Variants in MYO1E observed in about 807,000 individuals in gnomAD.
The protein encoded by MYO1E is myosin IE.
A neutral mutation model predicts 151.1 loss-of-function variants in MYO1E; 68 were observed. The observed-to-expected ratio is 0.45, with a 90% CI of 0.37 to 0.55. MYO1E has a LOEUF of 0.55. Among genes scored for constraint, MYO1E ranks in the 20% least tolerant of loss-of-function variants. The pLI is 0.00. For missense variants in MYO1E, 1,363 were observed against 1,389.3 expected (o/e 0.98, Z 0.30); for synonymous variants, 601 against 501.7 (o/e 1.20, Z -2.64).
At chr15:59,190,886 G>A (rs143053727) in intron 17 of MYO1E, among the ~76,000 whole-genome samples, 1 of 152,246 alleles carries the variant, frequency 6.6e-6, no homozygotes, top group East Asian at 1.9e-4. Flanking sequence ...TGATGTGCCT[G>A]GGCCTGGAGG....
chr15:59,285,450 C>CG, intron 1 of MYO1E, among the ~76,000 whole-genome samples: 1 of 151,252 alleles, frequency 6.6e-6, no homozygotes. Flanking sequence ...CTCTGCCCCC[C>CG]GGCTTCACGC....
intron 17 of MYO1E, among the ~76,000 whole-genome samples, chr15:59,188,940 A>G (rs2079716093): frequency 6.6e-6 from 1 of 152,222 alleles, no homozygotes; most frequent in African/African-American, 2.4e-5. Flanking sequence ...TAATGGAACT[A>G]CACTTCTAGG....
intron 1 of MYO1E, among the ~76,000 whole-genome samples, chr15:59,318,207 C>T (rs977428009): frequency 3.3e-5 from 5 of 152,178 alleles, no homozygotes; most frequent in African/African-American, 9.7e-5. Context: ...CAGGCCTCTC[C>T]AGCCATTATC....
At chr15:59,225,331 G>A (rs779365008) in intron 7 of MYO1E, among the ~76,000 whole-genome samples, 11 of 152,108 alleles carry the variant, frequency 7.2e-5, no homozygotes, top group Non-Finnish European at 1.3e-4. Flanking sequence ...CCACTCTGGC[G>A]GAACCCTTGC....
intron 1 of MYO1E, among the ~76,000 whole-genome samples, chr15:59,317,840 A>C (rs2080599059): frequency 6.6e-6 from 1 of 152,062 alleles, no homozygotes; most frequent in Non-Finnish European, 1.5e-5. Flanking sequence ...TAAGTCCTTC[A>C]TGTGGGCTAA....
chr15:59,170,802 T>C lies in MYO1E; in HGVS notation c.2480+1095A>G, dbSNP rs546686866. The stretch of plus-strand genomic sequence containing the variant: ...AGACACAGGCAAGAATGGATGCAAC[T>C]AGAAATCTGTTTTGGATTATCAGAC... On this transcript the variant is annotated intron_variant, in intron 22 of 27. Coordinates refer to ENST00000288235, the MANE Select transcript of MYO1E (RefSeq NM_004998.4). Among the ~76,000 whole-genome samples, 50 of 152,192 alleles carry C rather than the reference T, an allele frequency of 3.3e-4. No homozygotes were observed. In the South Asian group the frequency reaches 7.5e-3, roughly 23 times the overall value.
intron 15 of MYO1E, among the ~76,000 whole-genome samples, chr15:59,205,079 A>G (rs879877220): frequency 1.3e-5 from 2 of 152,254 alleles, no homozygotes; most frequent in Non-Finnish European, 2.9e-5. Context: ...AATAGATTAA[A>G]TGATAATCCA....
intron 18 of MYO1E, among the ~76,000 whole-genome samples, chr15:59,181,537 C>A (rs2079658277): frequency 6.6e-6 from 1 of 152,244 alleles, no homozygotes; most frequent in African/African-American, 2.4e-5. Context: ...TCAAGTAGCA[C>A]AGCACTTACT....
At chr15:59,210,873 T>C (rs1158771181) in intron 12 of MYO1E, among the ~76,000 whole-genome samples, 4 of 150,038 alleles carry the variant, frequency 2.7e-5, no homozygotes, top group Non-Finnish European at 5.9e-5. Context: ...ACCGAACTGA[T>C]AAATCCAGTT....
rs942905001 is a variant in MYO1E, at chr15:59,183,153, T to C, written c.1905-4616A>G. On this transcript the variant is annotated intron_variant, in intron 18 of 27. Coordinates refer to ENST00000288235, the MANE Select transcript of MYO1E (RefSeq NM_004998.4). Reference sequence around the variant, plus strand: ...TCCCCTGCTGCGAGTTGGGGACCCCTGCCTTAGACGGGAAAAAAGAGTGCA... The same window carrying C: ...TCCCCTGCTGCGAGTTGGGGACCCCCGCCTTAGACGGGAAAAAAGAGTGCA... Among the ~76,000 whole-genome samples, 5 of 42,740 alleles carry C rather than the reference T, an allele frequency of 1.2e-4. No individual in the cohort carries two copies. In the East Asian group the frequency reaches 4.6e-3, roughly 39 times the overall value. The allele number at this position is 42,740 out of a possible 152,430, so 28.0% of individuals were successfully genotyped here.
intron 19 of MYO1E, among the ~76,000 whole-genome samples, chr15:59,177,111 C>T (rs896452067): frequency 5.9e-5 from 9 of 152,164 alleles, no homozygotes; most frequent in African/African-American, 1.9e-4. Flanking sequence ...ATAAATCACT[C>T]CATCCCATTT....
intron 12 of MYO1E, among the ~76,000 whole-genome samples, chr15:59,211,460 G>A (rs1728837352): frequency 6.6e-6 from 1 of 151,984 alleles, no homozygotes; most frequent in South Asian, 2.1e-4. Flanking sequence ...TTCTCTAGGT[G>A]ATTTCAATCA....
At chr15:59,349,114 T>C (rs28533105) in intron 1 of MYO1E, among the ~76,000 whole-genome samples, 4,457 of 152,106 alleles carry the variant, frequency 0.029, 206 homozygotes, top group African/African-American at 0.098. Context: ...GAAACTGATC[T>C]AAGACTTGGA....
At chr15:59,274,359 C>CACAG (rs2080305807) in intron 1 of MYO1E, among the ~76,000 whole-genome samples, 1 of 152,180 alleles carries the variant, frequency 6.6e-6, no homozygotes, top group African/African-American at 2.4e-5. Flanking sequence ...AAGCACTGGC[C>CACAG]ACAGCATGAC....
chr15:59,210,498 C>A lies in MYO1E; in HGVS notation c.1362+16G>T. On this transcript the variant is annotated intron_variant, in intron 13 of 27. Transcript: ENST00000288235. ...AACCTGTGAGCAGTGAAAAGACATACTAAATGAACACTTACCACTTTGTTC... is the reference window on the plus strand; with the variant it reads ...AACCTGTGAGCAGTGAAAAGACATAATAAATGAACACTTACCACTTTGTTC... 6.6e-7 allele frequency: 1 copy of A among 1,515,408 alleles called. No homozygotes were observed. The highest frequency in any genetic ancestry group is 2.3e-5 in the East Asian group (1 of 44,352). 93.9% of individuals were successfully genotyped at this position (1,515,408 alleles called of 1,614,324 possible). A position where few individuals can be genotyped will look rare whatever the true frequency, so the allele number is the denominator to read the frequency against.
intron 8 of MYO1E, among the ~76,000 whole-genome samples, chr15:59,223,889 G>A (rs778625448): frequency 4.6e-5 from 7 of 152,180 alleles, no homozygotes; most frequent in Non-Finnish European, 8.8e-5. Flanking sequence ...GCTGCTTTGA[G>A]GCCATGTGAC....
chr15:59,340,378 C>CTT (rs35360737), intron 1 of MYO1E, among the ~76,000 whole-genome samples: 1 of 147,730 alleles, frequency 6.8e-6, no homozygotes, highest in South Asian at 2.1e-4. Flanking sequence ...TCACATTAAC[C>CTT]TTTTTTTTTT....
intron 6 of MYO1E, among the ~76,000 whole-genome samples, chr15:59,229,650 C>T (rs1221802256): frequency 1.3e-5 from 2 of 152,078 alleles, no homozygotes; most frequent in Non-Finnish European, 2.9e-5. Flanking sequence ...GTTTTTAAAT[C>T]GTGTTTGAAG....
intron 1 of MYO1E, among the ~76,000 whole-genome samples, chr15:59,367,845 C>T (rs1409090679): frequency 1.3e-5 from 2 of 152,184 alleles, no homozygotes; most frequent in Non-Finnish European, 2.9e-5. Context: ...AGAGGCCGGG[C>T]GTGGTGGCTC....
Sources: allele counts gnomAD v4.1 joint callset (sites outside exome capture counted in the v4.1 genomes callset), GRCh38; gene constraint gnomAD v4.1.1; transcripts MANE v1.5; gene names NCBI Gene and HGNC (gene_info 2026-07-23, HGNC 2026-07-21).